The following PCDH7 variants were observed in gnomAD, a reference collection of about 807,000 sequenced individuals.
The protein encoded by PCDH7 is protocadherin 7.
Under a neutral mutation model 58.9 loss-of-function variants are expected in PCDH7, and 17 were observed. The observed-to-expected ratio is 0.29, with a 90% confidence interval of 0.20 to 0.43. The LOEUF (loss-of-function observed/expected upper bound fraction) is 0.43. Among genes scored for constraint, PCDH7 ranks in the 20% least tolerant of loss-of-function variants. The pLI, the probability that PCDH7 is intolerant of heterozygous loss-of-function variation, is 1.00. For synonymous variants in PCDH7, 664 were observed against 616.4 expected, an observed-to-expected ratio of 1.08 and a Z score of -1.14; for missense variants, 1,274 against 1,441.0, an observed-to-expected ratio of 0.88 and a Z score of 1.88.
At chr4:30,873,444 T>A (rs1472501411) in intron 1 of PCDH7, among the ~76,000 whole-genome samples, 1 of 152,156 alleles carries the variant, frequency 6.6e-6, no homozygotes, top group South Asian at 2.1e-4. Flanking sequence ...GGCTACCCAA[T>A]GTTATGTTAA....
At chr4:30,920,079 A>C in intron 1 of PCDH7, 74 bp from the exon 2 acceptor site, 13 of 1,140,442 alleles carry the variant, frequency 1.1e-5, no homozygotes, top group Non-Finnish European at 1.5e-5. Context: ...AATGTATGTA[A>C]TTTATGTATT....
intron 1 of PCDH7, among the ~76,000 whole-genome samples, chr4:30,761,602 T>C (rs764538769): frequency 1.3e-5 from 2 of 152,194 alleles, no homozygotes; most frequent in Non-Finnish European, 2.9e-5. Context: ...ACTAGCCTTG[T>C]TGTAAGTACT....
intron 2 of PCDH7, among the ~76,000 whole-genome samples, chr4:30,945,554 CA>C: frequency 6.6e-6 from 1 of 151,854 alleles, no homozygotes; most frequent in African/African-American, 2.4e-5. Context: ...TACTAATTTT[CA>C]AAAAATGCTT....
chr4:31,133,581 C>G (rs189791307), intron 3 of PCDH7, among the ~76,000 whole-genome samples: 1 of 152,286 alleles, frequency 6.6e-6, no homozygotes, highest in East Asian at 1.9e-4. Context: ...GTTATTTCCT[C>G]TCCACGCTGC....
intron 3 of PCDH7, among the ~76,000 whole-genome samples, chr4:31,055,751 A>G (rs191466825): frequency 3.2e-4 from 48 of 151,690 alleles, no homozygotes; most frequent in African/African-American, 9.7e-4. Context: ...TAATTTTTGT[A>G]TTTTTAGTAG....
intron 3 of PCDH7, among the ~76,000 whole-genome samples, chr4:31,048,329 T>C (rs1285108600): frequency 2.0e-5 from 3 of 152,048 alleles, no homozygotes; most frequent in Non-Finnish European, 4.4e-5. Context: ...TCCAAAAACA[T>C]GTTAACAATC....
chr4:31,106,952 G>T (rs998665206), intron 3 of PCDH7, among the ~76,000 whole-genome samples: 9 of 152,026 alleles, frequency 5.9e-5, no homozygotes, highest in African/African-American at 2.2e-4. Context: ...TAAGCATTAC[G>T]CTCTTAACTT....
intron 3 of PCDH7, among the ~76,000 whole-genome samples, chr4:31,131,333 T>A (rs998405380): frequency 2.6e-5 from 4 of 152,186 alleles, no homozygotes; most frequent in Admixed American, 2.6e-4. Context: ...CTCCCCTTTT[T>A]ATCTGATCAT....
chr4:31,107,645 G>C (rs905679640), intron 3 of PCDH7, among the ~76,000 whole-genome samples: 8 of 152,074 alleles, frequency 5.3e-5, no homozygotes, highest in Admixed American at 1.3e-4. Flanking sequence ...CTTTGCTTCA[G>C]TTTCACTTTG....
chr4:30,788,233 A>G (rs1219007678), intron 1 of PCDH7, among the ~76,000 whole-genome samples: 2 of 152,170 alleles, frequency 1.3e-5, no homozygotes, highest in Non-Finnish European at 2.9e-5. Flanking sequence ...TTATATAACC[A>G]GTAATGATAT....
At chr4:31,114,385 G>C (rs1024768634) in intron 3 of PCDH7, among the ~76,000 whole-genome samples, 3 of 151,948 alleles carry the variant, frequency 2.0e-5, no homozygotes, top group Non-Finnish European at 4.4e-5. Context: ...TGGTAACCTA[G>C]TATATTACCT....
At chr4:31,084,990 A>G (rs1712196081) in intron 3 of PCDH7, among the ~76,000 whole-genome samples, 3 of 152,224 alleles carry the variant, frequency 2.0e-5, no homozygotes, top group Admixed American at 2.0e-4. Flanking sequence ...CTGCCTAGAC[A>G]GAGCTGATTC....
intron 1 of PCDH7, among the ~76,000 whole-genome samples, chr4:30,758,238 T>C (rs1719564105): frequency 6.6e-6 from 1 of 152,086 alleles, no homozygotes; most frequent in South Asian, 2.1e-4. Context: ...AACAGGAAGA[T>C]CCAGGTAGAA....
At chr4:31,135,298 T>TCGTGAGGTTGATC (rs1719465427) in intron 3 of PCDH7, among the ~76,000 whole-genome samples, 1 of 152,186 alleles carries the variant, frequency 6.6e-6, no homozygotes, top group South Asian at 2.1e-4. Flanking sequence ...AAATCATTAA[T>TCGTGAGGTTGATC]CGTGAGGTTG....
intron 3 of PCDH7, among the ~76,000 whole-genome samples, chr4:31,037,616 T>C (rs1404298078): frequency 5.7e-4 from 87 of 152,358 alleles, no homozygotes; most frequent in African/African-American, 2.0e-3. Context: ...AGAAATGCTC[T>C]AGAATATAGA....
chr4:31,042,656 T>C (rs895325653), intron 3 of PCDH7, among the ~76,000 whole-genome samples: 2 of 152,090 alleles, frequency 1.3e-5, no homozygotes, highest in African/African-American at 4.8e-5. Flanking sequence ...GGAGAGACAA[T>C]TGCACAAAAA....
chr4:31,087,955 T>C (rs1489179261), intron 3 of PCDH7, among the ~76,000 whole-genome samples: 1 of 152,040 alleles, frequency 6.6e-6, no homozygotes, highest in Non-Finnish European at 1.5e-5. Context: ...CTCATTTAAT[T>C]CTTATAACAA....
intron 3 of PCDH7, chr4:30,987,539 A>T (rs1422468986): frequency 6.6e-6 from 1 of 152,104 alleles, no homozygotes; most frequent in Non-Finnish European, 1.5e-5. Context: ...AATGGCTTGT[A>T]TAATAGTATT....
chr4:30,738,354 A>G (rs1716591583), intron 1 of PCDH7, among the ~76,000 whole-genome samples: 1 of 151,992 alleles, frequency 6.6e-6, no homozygotes, highest in South Asian at 2.1e-4. Context: ...CCTTCCCTTG[A>G]TGAGCTCCAA....
Sources: allele counts gnomAD v4.1 joint callset (sites outside exome capture counted in the v4.1 genomes callset), GRCh38; gene constraint gnomAD v4.1.1; transcripts MANE v1.5; gene names NCBI Gene and HGNC (gene_info 2026-07-23, HGNC 2026-07-21).